TMEM242: variants seen among roughly 807,000 people sequenced by gnomAD.
The protein encoded by TMEM242 is UPF0463 transmembrane protein C6orf35.
A neutral mutation model predicts 18.2 loss-of-function variants in TMEM242; 10 were observed. The ratio of observed to expected loss-of-function variants is 0.55; its 90% CI spans 0.34 to 0.93. The LOEUF is 0.93. Ranked by LOEUF, TMEM242 falls within the 40% of genes least tolerant of loss-of-function variation. The pLI, the probability that TMEM242 is intolerant of heterozygous loss-of-function variation, is 0.02. For missense variants in TMEM242, 186 were observed against 175.5 expected, an observed-to-expected ratio of 1.06 and a Z score of -0.34; for synonymous variants, 57 against 69.9, an observed-to-expected ratio of 0.81 and a Z score of 0.92.
intron 2 of TMEM242, 99 bp from the exon 3 acceptor site, chr6:157,319,018 T>C: frequency 1.6e-6 from 2 of 1,271,346 alleles, no homozygotes; most frequent in South Asian, 2.0e-5. Flanking sequence ...AACAACATGA[T>C]ATTAGGAAGC....
At chr6:157,312,426 T>TCCCAGATTG (rs1778184842) in intron 3 of TMEM242, among the ~76,000 whole-genome samples, 2 of 24,506 alleles carry the variant, frequency 8.2e-5, no homozygotes, top group East Asian at 9.8e-4. Context: ...CATCATAGTG[T>TCCCAGATTG]CACAGTGTGC....
At position 157,323,452 on chromosome 6, in the gene TMEM242, C is replaced by G; in HGVS notation, c.48G>C (p.Glu16Asp). 6.2e-7 allele frequency: 1 copy of G among 1,614,142 alleles called. No individual in the cohort carries two copies. Among genetic ancestry groups the G allele is most frequent in the Non-Finnish European group, 8.5e-7 (1 of 1,179,984 alleles). The change falls in exon 1 of 4, where the codon GAG (glutamate) becomes GAC (aspartate). Residue 16 changes from glutamate (E) to aspartate (D), a missense_variant. Transcript: ENST00000400788. ...AATGQPASGL[E>D]APGSTNDRLF... The stretch of plus-strand genomic sequence containing the variant: ...GCCGGTCATTCGTGGACCCCGGAGC[C>G]TCCAGCCCAGAGGCCGGCTGCCCAG...
At position 157,323,464 on chromosome 6, in the gene TMEM242, G is replaced by C; in HGVS notation, c.36C>G (p.Ala12=). The C allele has an allele frequency of 6.2e-7, 1 of 1,614,050 alleles. No individual in the cohort carries two copies. Among genetic ancestry groups the C allele is most frequent in the Non-Finnish European group, 8.5e-7 (1 of 1,179,968 alleles). The change falls in exon 1 of 4, where the codon GCC becomes GCG. Residue 12 remains alanine, a synonymous_variant. Transcript: ENST00000400788. Reference sequence around the variant, plus strand: ...TGGACCCCGGAGCCTCCAGCCCAGAGGCCGGCTGCCCAGTTGCAGCGCCCG... The same window carrying C: ...TGGACCCCGGAGCCTCCAGCCCAGACGCCGGCTGCCCAGTTGCAGCGCCCG... The part of the protein sequence containing the change: ...ETAGAATGQP[A]SGLEAPGSTN...
chr6:157,316,719 A>T (rs989165720), intron 3 of TMEM242, among the ~76,000 whole-genome samples: 9 of 151,826 alleles, frequency 5.9e-5, no homozygotes, highest in Non-Finnish European at 1.2e-4. Context: ...TACAAAAAAT[A>T]AAAAAAATGA....
intron 3 of TMEM242, among the ~76,000 whole-genome samples, chr6:157,300,316 A>G (rs1777812752): frequency 6.6e-6 from 1 of 152,248 alleles, no homozygotes; most frequent in Admixed American, 6.5e-5. Context: ...GTTGGTGCTG[A>G]GACTAAGGCA....
rs1383198897 is a variant in TMEM242, at chr6:157,322,723, G to A, written c.171C>T (p.Ser57=). ...CACCAACCTTATTGAACCATTCAGG[G>A]CTTTTCTTTTTAGCCAATGATAATG... The part of the protein sequence containing the change: ...ITTLSLAKKK[S]PEWFNKGSMA... The change falls in exon 2 of 4, where the codon AGC becomes AGT. Residue 57 remains serine, a synonymous_variant. Transcript: ENST00000400788. The A allele has an allele frequency of 6.2e-7, 1 of 1,613,694 alleles. No individual in the cohort carries two copies. Among genetic ancestry groups the A allele is most frequent in the South Asian group, 1.1e-5 (1 of 91,018 alleles).
In TMEM242 at chr6:157,318,858, C is replaced by A. The variant is rs1272238619; in HGVS notation, c.251G>T (p.Gly84Val). Residue 84 changes from glycine to valine, a missense_variant, in exon 3 of 4, where the codon GGC becomes GTC. Gly to Val is a moderately radical substitution (Grantham distance 109). Transcript: ENST00000400788. ...SGSSLALRAL[G>V]WGSLYAWCGV... The stretch of plus-strand genomic sequence containing the variant: ...ACACCATGCATACAGGGAGCCCCAG[C>A]CCAGAGCTCGCAAGGCAAGGGAAGA... 1.2e-6 allele frequency: 2 copies of A among 1,612,890 alleles called. No individual in the cohort carries two copies. The highest frequency in any genetic ancestry group is 1.6e-4 in the Middle Eastern group (1 of 6,080).
At chr6:157,293,275 G>A (rs898277106) in intron 3 of TMEM242, among the ~76,000 whole-genome samples, 3 of 152,072 alleles carry the variant, frequency 2.0e-5, no homozygotes, top group African/African-American at 4.8e-5. Context: ...CTAGCTACTC[G>A]GGAGGCTGAG....
At chr6:157,299,943 C>A in intron 3 of TMEM242, 1 of 1,599,788 alleles carries the variant, frequency 6.3e-7, no homozygotes, top group Non-Finnish European at 8.6e-7. Context: ...ATGATGGAGA[C>A]CTTACTGTGA....
chr6:157,317,541 G>A lies in TMEM242; in HGVS notation c.327+1241C>T, dbSNP rs1554250459. Among the ~76,000 whole-genome samples the A allele has an allele frequency of 1.3e-5, 2 of 152,152 alleles. 1 individual carries two copies. The highest frequency in any genetic ancestry group is 4.8e-5 in the African/African-American group (2 of 41,426). Reference sequence around the variant, plus strand: ...TTCTTTCAACCTTCACTGCCTTGGTGAGTTAATCTAGTCTCACAGCTTTAA... The same window carrying A: ...TTCTTTCAACCTTCACTGCCTTGGTAAGTTAATCTAGTCTCACAGCTTTAA... On this transcript the variant is annotated intron_variant, in intron 3 of 3. Transcript: ENST00000400788.
chr6:157,310,857 C>G (rs1778017458), intron 3 of TMEM242, among the ~76,000 whole-genome samples: 1 of 145,346 alleles, frequency 6.9e-6, no homozygotes, highest in Admixed American at 6.9e-5. Context: ...TGTGCACTCA[C>G]CTAGCCTCAT....
intron 3 of TMEM242, among the ~76,000 whole-genome samples, chr6:157,311,001 C>CATAGTGT (rs1158651894): frequency 6.4e-3 from 10 of 1,556 alleles, no homozygotes; most frequent in African/African-American, 8.4e-3. Context: ...AACCTAGCCT[C>CATAGTGT]CCCAGTGTGC....
chr6:157,297,436 A>G (rs1028679646), intron 3 of TMEM242, among the ~76,000 whole-genome samples: 12 of 152,224 alleles, frequency 7.9e-5, no homozygotes, highest in Non-Finnish European at 1.3e-4. Context: ...ATCAATTCCA[A>G]TAAATAGGCA....
chr6:157,313,093 C>A (rs1554249609), intron 3 of TMEM242, among the ~76,000 whole-genome samples: 14 of 137,698 alleles, frequency 1.0e-4, no homozygotes, highest in Admixed American at 1.5e-4. Flanking sequence ...CACCTGGCCT[C>A]ATCAAAGTGT....
chr6:157,322,366 G>A (rs78216804), intron 2 of TMEM242, among the ~76,000 whole-genome samples: 30,551 of 152,038 alleles, frequency 0.2, 4,066 homozygotes, highest in East Asian at 0.56. Context: ...CCTGACCTCA[G>A]GTGATCTGCC....
chr6:157,306,094 C>T (rs1777914480), intron 3 of TMEM242, among the ~76,000 whole-genome samples: 1 of 152,320 alleles, frequency 6.6e-6, no homozygotes, highest in East Asian at 1.9e-4. Context: ...CTGAGGATAA[C>T]GATGGGAGCA....
chr6:157,305,685 C>G lies in TMEM242; in HGVS notation c.328-12686G>C, dbSNP rs1212382577. 6.6e-6 allele frequency among the ~76,000 whole-genome samples: 1 copy of G among 152,066 alleles called. No individual in the cohort carries two copies. Among genetic ancestry groups the G allele is most frequent in the Non-Finnish European group, 1.5e-5 (1 of 68,022 alleles). ...AGGCTGGCCAGGGGAGGGGTTGGCA[C>G]AAGAGACAGGCAAAATGTCCAGTGA... On this transcript the variant is annotated intron_variant, in intron 3 of 3. Transcript: ENST00000400788. The surrounding 1 kb of genome is among the most constrained non-coding windows in gnomAD (Gnocchi z 4.1).
At chr6:157,320,718 C>A (rs1778481801) in intron 2 of TMEM242, among the ~76,000 whole-genome samples, 1 of 152,100 alleles carries the variant, frequency 6.6e-6, no homozygotes, top group Admixed American at 6.6e-5. Context: ...TGATCCGCCT[C>A]CCTCAGCCTC....
intron 3 of TMEM242, among the ~76,000 whole-genome samples, chr6:157,303,090 G>T (rs1271139689): frequency 6.6e-5 from 10 of 152,200 alleles, no homozygotes; most frequent in Admixed American, 6.5e-4. Flanking sequence ...CTCCATTAGA[G>T]GATTTATCAC....
Sources: gnomAD v4.1 joint callset for allele counts (sites outside exome capture counted in the v4.1 genomes callset) on GRCh38, gnomAD v4.1.1 for gene constraint, Gnocchi (gnomAD v3.1) non-coding constraint, MANE v1.5 for transcripts, NCBI Gene and HGNC (gene_info 2026-07-23, HGNC 2026-07-21) for gene names.